KCNH7: variants seen among roughly 807,000 people sequenced by gnomAD.
KCNH7 encodes the protein voltage-gated inwardly rectifying potassium channel KCNH7.
A neutral mutation model predicts 120.8 loss-of-function variants in KCNH7; 49 were observed. The observed-to-expected ratio is 0.41, with a 90% CI of 0.32 to 0.51. KCNH7 has a LOEUF of 0.51. Ranked by LOEUF, KCNH7 falls within the 20% of genes least tolerant of loss-of-function variation. The pLI, the probability that KCNH7 is intolerant of heterozygous loss-of-function variation, is 0.38. For synonymous variants in KCNH7, 547 were observed against 516.1 expected, an observed-to-expected ratio of 1.06 and a Z score of -0.81; for missense variants, 1,097 against 1,446.6, an observed-to-expected ratio of 0.76 and a Z score of 3.92.
In KCNH7 at chr2:162,577,092, T is replaced by A. The variant is rs575764964; in HGVS notation, c.308-40012A>T. Among the ~76,000 whole-genome samples, 714 of 151,442 alleles carry A rather than the reference T, an allele frequency of 4.7e-3. 7 individuals carry two copies. The highest frequency in any genetic ancestry group is 0.016 in the African/African-American group (670 of 41,318). On this transcript the variant is annotated intron_variant, in intron 2 of 15. Transcript: ENST00000332142. ...CACCATGCCCAGATAATTAAAAAATTTTTTTTTTGTAGAAATTGGGTCTTG... is the reference window on the plus strand; with the variant it reads ...CACCATGCCCAGATAATTAAAAAATATTTTTTTTGTAGAAATTGGGTCTTG...
chr2:162,498,219 T>G (rs1690559415), intron 6 of KCNH7, among the ~76,000 whole-genome samples: 1 of 152,094 alleles, frequency 6.6e-6, no homozygotes, highest in Non-Finnish European at 1.5e-5. Context: ...TCTTATGTAA[T>G]AAAGGCCAAC....
chr2:162,622,182 C>T (rs1287128142), intron 2 of KCNH7, among the ~76,000 whole-genome samples: 1 of 152,082 alleles, frequency 6.6e-6, no homozygotes, highest in East Asian at 1.9e-4. Flanking sequence ...TGTGTGCTGC[C>T]CAGAGGAGCT....
chr2:162,541,822 T>C (rs1692312675), intron 2 of KCNH7, among the ~76,000 whole-genome samples: 1 of 152,054 alleles, frequency 6.6e-6, no homozygotes, highest in Admixed American at 6.6e-5. Flanking sequence ...ACCTGCACAT[T>C]CTGCACATGT....
At chr2:162,487,847 G>A (rs1690153656) in intron 6 of KCNH7, among the ~76,000 whole-genome samples, 1 of 152,190 alleles carries the variant, frequency 6.6e-6, no homozygotes, top group African/African-American at 2.4e-5. Context: ...GGGAATAGCT[G>A]TAGTCAATGA....
intron 2 of KCNH7, among the ~76,000 whole-genome samples, chr2:162,547,508 T>C (rs1399819614): frequency 6.6e-6 from 1 of 152,224 alleles, no homozygotes; most frequent in African/African-American, 2.4e-5. Flanking sequence ...ACAATTGCTC[T>C]ATGCCAGTTA....
intron 2 of KCNH7, among the ~76,000 whole-genome samples, chr2:162,633,330 T>C (rs1198748856): frequency 6.6e-6 from 1 of 151,972 alleles, no homozygotes; most frequent in Non-Finnish European, 1.5e-5. Context: ...TCAGCCACCA[T>C]TTAAACCAAG....
Position 162,371,952 on chromosome 2 carries a change from C to G in KCNH7, c.3468G>C (p.Leu1156=), listed in dbSNP as rs147843561. 5.0e-6 allele frequency: 8 copies of G among 1,613,730 alleles called. No individual in the cohort carries two copies. Among genetic ancestry groups the G allele is most frequent in the Non-Finnish European group, 5.1e-6 (6 of 1,179,888 alleles). ...QDSDLSLELH[L]RQRKTYVHPI... ...GATGAACGTAAGTTTTTCTTTGCCGCAGGTGAAGCTCTAAAGAGAGATCAC... is the reference window on the plus strand; with the variant it reads ...GATGAACGTAAGTTTTTCTTTGCCGGAGGTGAAGCTCTAAAGAGAGATCAC... Residue 1156 remains leucine (L), a synonymous_variant, in exon 16 of 16, where the codon CTG becomes CTC. Coordinates refer to ENST00000332142, the MANE Select transcript of KCNH7 (RefSeq NM_033272.4).
chr2:162,622,308 C>T (rs772751419), intron 2 of KCNH7, among the ~76,000 whole-genome samples: 7 of 152,218 alleles, frequency 4.6e-5, no homozygotes, highest in Non-Finnish European at 7.4e-5. Flanking sequence ...TTCGCTTTTG[C>T]GAGCAGTGAG....
At chr2:162,810,930 C>T (rs755498483) in intron 2 of KCNH7, among the ~76,000 whole-genome samples, 2 of 151,952 alleles carry the variant, frequency 1.3e-5, no homozygotes, top group African/African-American at 2.4e-5. Context: ...TGGTAAAGGC[C>T]GCTCCCCTCA....
intron 2 of KCNH7, among the ~76,000 whole-genome samples, chr2:162,642,650 T>C (rs1351837727): frequency 6.6e-6 from 1 of 152,218 alleles, no homozygotes; most frequent in Admixed American, 6.5e-5. Context: ...TATATCACAC[T>C]GTGGTGGCTC....
intron 2 of KCNH7, among the ~76,000 whole-genome samples, chr2:162,680,727 G>T (rs1038892735): frequency 6.6e-6 from 1 of 151,700 alleles, no homozygotes; most frequent in African/African-American, 2.4e-5. Flanking sequence ...GGCTGTGCGG[G>T]TGTCAGTTAT....
intron 9 of KCNH7, among the ~76,000 whole-genome samples, chr2:162,405,638 A>G (rs984171598): frequency 6.6e-6 from 1 of 151,976 alleles, no homozygotes; most frequent in Non-Finnish European, 1.5e-5. Context: ...TCTTGTGCCG[A>G]GTAATGAATG....
chr2:162,555,319 G>A (rs1242696081), intron 2 of KCNH7, among the ~76,000 whole-genome samples: 1 of 152,190 alleles, frequency 6.6e-6, no homozygotes, highest in Non-Finnish European at 1.5e-5. Flanking sequence ...TCTGCCTAAA[G>A]GGATTGAAGA....
intron 2 of KCNH7, among the ~76,000 whole-genome samples, chr2:162,710,624 T>G (rs546434133): frequency 6.6e-6 from 1 of 152,250 alleles, no homozygotes; most frequent in African/African-American, 2.4e-5. Flanking sequence ...TCGGGGAAAG[T>G]TGTATGCATG....
Position 162,435,629 on chromosome 2 carries a change from G to C in KCNH7, c.1555-32C>G, listed in dbSNP as rs1217251907. 5.9e-6 allele frequency: 9 copies of C among 1,533,606 alleles called. No homozygotes were observed. In the African/African-American group the frequency reaches 1.2e-4, roughly 21 times the overall value. 95.0% of individuals were successfully genotyped at this position (1,533,606 alleles called of 1,614,324 possible). A position where few individuals can be genotyped will look rare whatever the true frequency, so the allele number is the denominator to read the frequency against. On this transcript the variant is annotated intron_variant, in intron 7 of 15. Transcript: ENST00000332142. ...AAATAAATGTACACAGTCAGAAACGGTCGGCAAACAATTCAAAGTACATTC... is the reference window on the plus strand; with the variant it reads ...AAATAAATGTACACAGTCAGAAACGCTCGGCAAACAATTCAAAGTACATTC...
At chr2:162,632,894 T>C (rs1025894136) in intron 2 of KCNH7, among the ~76,000 whole-genome samples, 1 of 151,708 alleles carries the variant, frequency 6.6e-6, no homozygotes, top group African/African-American at 2.4e-5. Context: ...TATAATCAGA[T>C]GGAGAAAGTT....
At chr2:162,447,327 T>G in intron 6 of KCNH7, among the ~76,000 whole-genome samples, 1 of 152,076 alleles carries the variant, frequency 6.6e-6, no homozygotes, top group South Asian at 2.1e-4. Flanking sequence ...AGTCCATGAT[T>G]TAGTGATTTA....
At chr2:162,628,697 GT>G (rs202098860) in intron 2 of KCNH7, among the ~76,000 whole-genome samples, 1 of 151,658 alleles carries the variant, frequency 6.6e-6, no homozygotes, top group East Asian at 1.9e-4. Context: ...TGCAGTATTT[GT>G]TTTTTTTGTT....
At chr2:162,573,824 T>A (rs1693576352) in intron 2 of KCNH7, among the ~76,000 whole-genome samples, 1 of 152,028 alleles carries the variant, frequency 6.6e-6, no homozygotes, top group South Asian at 2.1e-4. Flanking sequence ...GAGCTTCTAA[T>A]TTTCAACTTT....
Sources: allele counts gnomAD v4.1 joint callset (sites outside exome capture counted in the v4.1 genomes callset), GRCh38; gene constraint gnomAD v4.1.1; transcripts MANE v1.5; gene names NCBI Gene and HGNC (gene_info 2026-07-23, HGNC 2026-07-21).